HMCN1: variants seen among roughly 807,000 people sequenced by gnomAD.
The protein encoded by HMCN1 is hemicentin 1.
Under a neutral mutation model 625.9 loss-of-function variants are expected in HMCN1, and 321 were observed. That is an observed-to-expected ratio of 0.51 (90% CI 0.47 to 0.56). HMCN1 has a LOEUF of 0.56. Ranked by LOEUF, HMCN1 falls within the 20% of genes least tolerant of loss-of-function variation. The probability of loss-of-function intolerance (pLI) is 0.00; values close to 1 mark genes in which losing one functional copy is unlikely to be tolerated. For missense variants in HMCN1, 6,588 were observed against 6,887.3 expected, an observed-to-expected ratio of 0.96 and a Z score of 1.54; for synonymous variants, 2,425 against 2,417.6, an observed-to-expected ratio of 1.00 and a Z score of -0.09.
In HMCN1 at chr1:186,016,259, C is replaced by T. The variant is rs751748026; in HGVS notation, c.5191+20C>T. 33 of 1,607,294 alleles carry T rather than the reference C, an allele frequency of 2.1e-5. No homozygotes were observed. The East Asian group carries it at 7.2e-4, about 35-fold the overall frequency. ...TCTTGGGTAAATAAGGATGCCACTGCCTGGGTTCTCAGATTCATAGCAAAA... is the reference window on the plus strand; with the variant it reads ...TCTTGGGTAAATAAGGATGCCACTGTCTGGGTTCTCAGATTCATAGCAAAA... On this transcript the variant is annotated intron_variant, in intron 32 of 106. Transcript: ENST00000271588.
intron 2 of HMCN1, among the ~76,000 whole-genome samples, chr1:185,847,013 C>A (rs1661863246): frequency 6.6e-6 from 1 of 152,104 alleles, no homozygotes; most frequent in South Asian, 2.1e-4. Context: ...CGGGTTGGTG[C>A]AACTTTTTAC....
chr1:186,153,675 C>T (rs1057201606), intron 96 of HMCN1, 75 bp from the exon 97 acceptor site: 1 of 1,156,670 alleles, frequency 8.6e-7, no homozygotes, highest in African/African-American at 1.5e-5. Context: ...GCTCATTCTG[C>T]ATTTCATAGT....
intron 102 of HMCN1, among the ~76,000 whole-genome samples, chr1:186,173,640 C>CAAAAAAAAAAAAAAAAAAAAAAAA (rs762258823): frequency 6.7e-5 from 5 of 74,692 alleles, no homozygotes; most frequent in Non-Finnish European, 1.0e-4. Flanking sequence ...GACTCCATCT[C>CAAAAAAAAAAAAAAAAAAAAAAAA]AAAAAAAAAA....
intron 4 of HMCN1, among the ~76,000 whole-genome samples, chr1:185,889,283 TA>T (rs1221216252): frequency 7.0e-6 from 1 of 142,242 alleles, no homozygotes; most frequent in Non-Finnish European, 1.5e-5. Flanking sequence ...CCTCTTTTCC[TA>T]ATTGAATACC....
intron 19 of HMCN1, among the ~76,000 whole-genome samples, chr1:185,986,530 T>A (rs1652008338): frequency 6.6e-6 from 1 of 152,174 alleles, no homozygotes; most frequent in South Asian, 2.1e-4. Flanking sequence ...GTATTGATGA[T>A]TTCTGTTTGT....
chr1:185,812,210 C>A lies in HMCN1; in HGVS notation c.269-33816C>A, dbSNP rs1659564914. Among the ~76,000 whole-genome samples, 5 of 151,824 alleles carry A rather than the reference C, an allele frequency of 3.3e-5. No homozygotes were observed. In the South Asian group the frequency reaches 1.0e-3, roughly 31 times the overall value. On this transcript the variant is annotated intron_variant, in intron 1 of 106. Coordinates refer to ENST00000271588, the MANE Select transcript of HMCN1 (RefSeq NM_031935.3). ...GAAGCAGATTGCTTCTGTGGCCTGT[C>A]TAGGTTATTTGACTGATTTCCTATT...
intron 15 of HMCN1, among the ~76,000 whole-genome samples, chr1:185,972,024 G>A (rs542778655): frequency 6.6e-6 from 1 of 152,218 alleles, no homozygotes; most frequent in East Asian, 1.9e-4. Context: ...GACATGTAAG[G>A]CCCAAATAAA....
chr1:185,825,420 G>A (rs1192865041), intron 1 of HMCN1, among the ~76,000 whole-genome samples: 5 of 152,180 alleles, frequency 3.3e-5, no homozygotes, highest in African/African-American at 1.2e-4. Flanking sequence ...TCTTCGTTTC[G>A]GATGCCAAGA....
intron 85 of HMCN1, among the ~76,000 whole-genome samples, chr1:186,130,972 G>A (rs527609125): frequency 1.3e-5 from 2 of 152,252 alleles, no homozygotes; most frequent in South Asian, 2.1e-4. Flanking sequence ...TTAGGACAAG[G>A]AAATTGAAGA....
chr1:186,040,112 T>C (rs1020405710), intron 39 of HMCN1, among the ~76,000 whole-genome samples: 4 of 152,166 alleles, frequency 2.6e-5, no homozygotes, highest in African/African-American at 9.6e-5. Flanking sequence ...TGTTATATTT[T>C]GACCATTTGT....
Position 186,165,146 on chromosome 1 carries a change from T to G in HMCN1, c.15292T>G (p.Leu5098Val), listed in dbSNP as rs1178027478. ...TAATCAGTGCCCCTCCGGGTTTACC[T>G]TAGACTCAGTTGGACCTTTTTGTGC... ...RSNQCPSGFTLDSVGPFCADE... is the reference protein window; with the variant it reads ...RSNQCPSGFTVDSVGPFCADE... Residue 5098 changes from leucine to valine, a missense_variant, in exon 98 of 107, where the codon TTA becomes GTA. By Grantham distance (32) the Leu-to-Val change is conservative (BLOSUM62 1). Transcript: ENST00000271588. 1 of 1,614,080 alleles carries G rather than the reference T, an allele frequency of 6.2e-7. No homozygotes were observed. Among genetic ancestry groups the G allele is most frequent in the Admixed American group, 1.7e-5 (1 of 60,028 alleles).
intron 4 of HMCN1, among the ~76,000 whole-genome samples, chr1:185,881,683 CA>C (rs1664322277): frequency 6.6e-6 from 1 of 152,154 alleles, no homozygotes; most frequent in Non-Finnish European, 1.5e-5. Flanking sequence ...TCACAGTGTC[CA>C]TCATTTTTAT....
At chr1:185,883,531 A>C (rs753430626) in intron 4 of HMCN1, among the ~76,000 whole-genome samples, 1 of 151,966 alleles carries the variant, frequency 6.6e-6, no homozygotes, top group Non-Finnish European at 1.5e-5. Context: ...TAAATTGAGT[A>C]TCATGTTTTT....
chr1:186,033,064 G>GCA (rs61063202), intron 36 of HMCN1, among the ~76,000 whole-genome samples: 11,246 of 140,218 alleles, frequency 0.08, 417 homozygotes, highest in African/African-American at 0.11. Flanking sequence ...ATACACACAC[G>GCA]CACACACACA....
chr1:185,972,206 T>C (rs1301144130), intron 15 of HMCN1, among the ~76,000 whole-genome samples: 1 of 152,196 alleles, frequency 6.6e-6, no homozygotes, highest in African/African-American at 2.4e-5. Flanking sequence ...ACAGTCTCAG[T>C]AATTTTTCCC....
At chr1:186,072,109 A>G (rs1284407367) in intron 52 of HMCN1, among the ~76,000 whole-genome samples, 2 of 152,188 alleles carry the variant, frequency 1.3e-5, no homozygotes, top group Non-Finnish European at 2.9e-5. Context: ...AGGGTTTGCA[A>G]TTGGTCTCCT....
At chr1:186,186,783 G>A (rs533101400) in intron 105 of HMCN1, among the ~76,000 whole-genome samples, 2 of 152,242 alleles carry the variant, frequency 1.3e-5, no homozygotes, top group East Asian at 3.9e-4. Flanking sequence ...TATGGGAATT[G>A]ATTCCCTGAA....
intron 36 of HMCN1, among the ~76,000 whole-genome samples, chr1:186,026,924 C>T (rs1461039437): frequency 6.6e-6 from 1 of 152,092 alleles, no homozygotes; most frequent in African/African-American, 2.4e-5. Flanking sequence ...TGTGAGCCAC[C>T]ATGCCCAGCC....
chr1:185,811,196 G>A lies in HMCN1; in HGVS notation c.269-34830G>A, dbSNP rs183797717. 7.9e-5 allele frequency among the ~76,000 whole-genome samples: 12 copies of A among 152,186 alleles called. No individual in the cohort carries two copies. The East Asian group carries it at 2.3e-3, about 29-fold the overall frequency. The stretch of plus-strand genomic sequence containing the variant: ...GCTTGAAGAAAAAAAGTCATTGTAT[G>A]CTCTCAATTTGAAAAACAAGGGCTA... On this transcript the variant is annotated intron_variant, in intron 1 of 106. Coordinates refer to ENST00000271588, the MANE Select transcript of HMCN1 (RefSeq NM_031935.3).
Sources: gnomAD v4.1 joint callset for allele counts (sites outside exome capture counted in the v4.1 genomes callset) on GRCh38, gnomAD v4.1.1 for gene constraint, MANE v1.5 for transcripts, NCBI Gene and HGNC (gene_info 2026-07-23, HGNC 2026-07-21) for gene names.